DECR2: variants seen among roughly 807,000 people sequenced by gnomAD.
DECR2 encodes the protein peroxisomal 2,4-dienoyl-CoA reductase [(3E)-enoyl-CoA-producing].
DECR2 carries 34 observed loss-of-function variants against 29.2 expected under a neutral mutation model. That is an observed-to-expected ratio of 1.16 (90% CI 0.89 to 1.55). DECR2 has a LOEUF of 1.55. Among genes scored for constraint, DECR2 ranks in the 40% most tolerant of loss-of-function variants. The probability of loss-of-function intolerance (pLI) is 0.00; values close to 1 mark genes in which losing one functional copy is unlikely to be tolerated. For missense variants in DECR2, 485 were observed against 425.3 expected (o/e 1.14, Z -1.23); for synonymous variants, 224 against 182.7 (o/e 1.23, Z -1.82).
In DECR2 at chr16:410,415, C is replaced by T. The variant is rs3743891; in HGVS notation, c.462+48C>T. 36 of 1,557,686 alleles carry T rather than the reference C, an allele frequency of 2.3e-5. No individual in the cohort carries two copies. The highest frequency in any genetic ancestry group is 2.1e-4 in the East Asian group (9 of 42,840). ...GAGAAGTTCTTCCGGGTGGGTGCCTCGTGCGCTCTGTGAGAAGTTCTTCCG... is the reference window on the plus strand; with the variant it reads ...GAGAAGTTCTTCCGGGTGGGTGCCTTGTGCGCTCTGTGAGAAGTTCTTCCG... On this transcript the variant is annotated intron_variant, in intron 5 of 8. Coordinates refer to ENST00000219481, the MANE Select transcript of DECR2 (RefSeq NM_020664.4). This position sits in a 1 kb window ranked among gnomAD's most constrained non-coding sequence, Gnocchi z 4.1.
chr16:407,768 G>GCCTCTGTCTCCGGC (rs2054745252), intron 4 of DECR2, among the ~76,000 whole-genome samples: 1 of 134,674 alleles, frequency 7.4e-6, no homozygotes, highest in Non-Finnish European at 1.6e-5. Flanking sequence ...CTGTCTCCGG[G>GCCTCTGTCTCCGGC]CCCCTGTCTC....
intron 1 of DECR2, 38 bp from the exon 2 acceptor site, chr16:404,918 T>C (rs762190456): frequency 1.7e-5 from 28 of 1,611,764 alleles, no homozygotes; most frequent in East Asian, 6.7e-5. Flanking sequence ...CCCGGCCCAA[T>C]AGGGCTCTTT....
chr16:406,170 C>T (rs558125715), intron 2 of DECR2, among the ~76,000 whole-genome samples, 176 bp from the exon 3 acceptor site: 4 of 152,344 alleles, frequency 2.6e-5, no homozygotes, highest in Non-Finnish European at 4.4e-5. Flanking sequence ...GGGTGGGCAC[C>T]ACCTGAGGTC....
intron 1 of DECR2, 130 bp downstream of exon 1, chr16:402,173 T>C (rs901486115): frequency 9.4e-5 from 70 of 747,020 alleles, no homozygotes; most frequent in Non-Finnish European, 1.2e-4. Context: ...TCTTTCTTTT[T>C]TCTTTCTTTT....
intron 1 of DECR2, among the ~76,000 whole-genome samples, chr16:403,320 C>T (rs2054689304): frequency 1.3e-5 from 2 of 152,086 alleles, no homozygotes; most frequent in South Asian, 4.2e-4. Context: ...GCACCTGGCC[C>T]AAAATTAATC....
In DECR2 at chr16:406,344, A is replaced by G; in HGVS notation, c.150-2A>G. On this transcript the variant is annotated splice_acceptor_variant, in intron 2 of 8. Transcript: ENST00000219481. LOFTEE classifies it high-confidence loss of function. Reference sequence around the variant, plus strand: ...CCCTCACACCTGCTTCTGGTTTTGCAGGCACGGCTGCCATACGGTGATTGC... The same window carrying G: ...CCCTCACACCTGCTTCTGGTTTTGCGGGCACGGCTGCCATACGGTGATTGC... The G allele has an allele frequency of 6.2e-7, 1 of 1,606,714 alleles. No individual in the cohort carries two copies. The highest frequency in any genetic ancestry group is 2.2e-5 in the East Asian group (1 of 44,876).
At chr16:409,085 G>A (rs1010748680) in intron 4 of DECR2, among the ~76,000 whole-genome samples, 3 of 152,124 alleles carry the variant, frequency 2.0e-5, no homozygotes, top group African/African-American at 7.2e-5. Flanking sequence ...GCCCGCCTTG[G>A]CTTCCGAAAG....
intron 3 of DECR2, chr16:407,214 C>A: frequency 7.2e-7 from 1 of 1,392,412 alleles, no homozygotes; most frequent in East Asian, 2.6e-5. Context: ...GATTCTAGGA[C>A]AGGTGGCAGG....
At chr16:406,532 CTGT>C in intron 3 of DECR2, 135 bp downstream of exon 3, 1 of 834,284 alleles carries the variant, frequency 1.2e-6, no homozygotes, top group Admixed American at 2.4e-5. Context: ...GAGTCTCGCT[CTGT>C]CACCCAGGCT....
intron 4 of DECR2, among the ~76,000 whole-genome samples, chr16:408,659 C>T (rs929020556): frequency 6.6e-6 from 1 of 151,846 alleles, no homozygotes; most frequent in Non-Finnish European, 1.5e-5. Context: ...AGACGTGTGC[C>T]ATCACGCCTG....
intron 2 of DECR2, 95 bp from the exon 3 acceptor site, chr16:406,251 A>T: frequency 1.5e-6 from 2 of 1,346,342 alleles, no homozygotes; most frequent in Non-Finnish European, 2.1e-6. Context: ...CTGGACTGGT[A>T]CTTCCGCCTG....
intron 4 of DECR2, chr16:409,884 G>A (rs1478007702): frequency 8.1e-6 from 2 of 246,500 alleles, no homozygotes; most frequent in Non-Finnish European, 1.6e-5. Context: ...GCGTGTGTCT[G>A]TGTGTCCTCT....
At position 410,747 on chromosome 16, in the gene DECR2, G is replaced by C; in HGVS notation, c.519G>C (p.Ala173=). 6.2e-7 allele frequency: 1 copy of C among 1,606,588 alleles called. No individual in the cohort carries two copies. ...ITATLGNRGQ[A]LQVHAGSAKA... ...CCACCCTGGGGAACCGGGGGCAGGC[G>C]CTCCAGGTGCATGCAGGCTCCGCCA... The change falls in exon 6 of 9, where the codon GCG becomes GCC. Residue 173 remains alanine, a synonymous_variant. Transcript: ENST00000219481. The surrounding 1 kb of genome is among the most constrained non-coding windows in gnomAD (Gnocchi z 4.1).
rs756535523 is a variant in DECR2 at position 411,530 on chromosome 16, C to T, written c.831C>T (p.Asn277=). Residue 277 remains asparagine (N), a synonymous_variant, in exon 8 of 9, where the codon AAC becomes AAT. Coordinates refer to ENST00000219481, the MANE Select transcript of DECR2 (RefSeq NM_020664.4). ...ADGGAWLTFP[N]GVKGLPDFAS... Reference sequence around the variant, plus strand: ...GCGGGGCATGGTTGACGTTCCCAAACGGTGTCAAAGGGCTGCCGGATTTCG... The same window carrying T: ...GCGGGGCATGGTTGACGTTCCCAAATGGTGTCAAAGGGCTGCCGGATTTCG... 2.4e-5 allele frequency: 38 copies of T among 1,613,940 alleles called. No homozygotes were observed. The highest frequency in any genetic ancestry group is 1.6e-4 in the Middle Eastern group (1 of 6,082).
At chr16:404,184 AAAAT>A (rs1350582959) in intron 1 of DECR2, among the ~76,000 whole-genome samples, 12 of 151,196 alleles carry the variant, frequency 7.9e-5, no homozygotes, top group South Asian at 2.1e-4. Flanking sequence ...AAAAAAATAA[AAAAT>A]AAATAAATAA....
rs773076419 is a variant in DECR2, at chr16:411,485, G to C, written c.786G>C (p.Gly262=). 1 of 1,613,998 alleles carries C rather than the reference G, an allele frequency of 6.2e-7. No homozygotes were observed. Among genetic ancestry groups the C allele is most frequent in the Non-Finnish European group, 8.5e-7 (1 of 1,180,016 alleles). The change falls in exon 8 of 9, where the codon GGG becomes GGC. Residue 262 remains glycine, a synonymous_variant. Coordinates refer to ENST00000219481, the MANE Select transcript of DECR2 (RefSeq NM_020664.4). ...GCCCTCTGGCTTCCTACGTGACGGG[G>C]GCCGTGCTGGTGGCCGATGGCGGGG... ...LASPLASYVT[G]AVLVADGGAW...
intron 4 of DECR2, among the ~76,000 whole-genome samples, chr16:407,902 G>C (rs1167337835): frequency 1.4e-5 from 2 of 140,212 alleles, no homozygotes; most frequent in Admixed American, 1.4e-4. Flanking sequence ...CCTGTCTCCG[G>C]GCCTCTGTCT....
intron 4 of DECR2, among the ~76,000 whole-genome samples, chr16:408,088 TGTCTCCAGCCCC>T (rs1364811039): frequency 0.021 from 429 of 20,300 alleles, 203 homozygotes; most frequent in Non-Finnish European, 0.037. Context: ...TCCGGGCCCC[TGTCTCCAGCCCC>T]CTGTCTCCGG....
chr16:406,450 G>A, intron 3 of DECR2, 53 bp downstream of exon 3: 1 of 1,589,032 alleles, frequency 6.3e-7, no homozygotes. Flanking sequence ...GGGGGGCTGG[G>A]GCTGGGCCTG....
Sources: allele counts gnomAD v4.1 joint callset (sites outside exome capture counted in the v4.1 genomes callset), GRCh38; gene constraint gnomAD v4.1.1; non-coding constraint Gnocchi (gnomAD v3.1); transcripts MANE v1.5; gene names NCBI Gene and HGNC (gene_info 2026-07-23, HGNC 2026-07-21).